CCBE1: variants seen among roughly 807,000 people sequenced by gnomAD.
The protein encoded by CCBE1 is collagen and calcium-binding EGF domain-containing protein 1.
Under a neutral mutation model 50.0 loss-of-function variants are expected in CCBE1, and 37 were observed. The ratio of observed to expected loss-of-function variants is 0.74; its 90% CI spans 0.57 to 0.97. The LOEUF is 0.97. CCBE1 is among the 50% of genes least tolerant of loss of function. CCBE1 has a pLI of 0.00. For missense variants in CCBE1, 538 were observed against 523.8 expected, an observed-to-expected ratio of 1.03 and a Z score of -0.26; for synonymous variants, 234 against 203.7, an observed-to-expected ratio of 1.15 and a Z score of -1.27.
At chr18:59,556,974 G>A (rs576839219) in intron 2 of CCBE1, among the ~76,000 whole-genome samples, 1 of 114,134 alleles carries the variant, frequency 8.8e-6, no homozygotes, top group Admixed American at 8.0e-5. Context: ...GCCACCAGGG[G>A]TATCTTGTGT....
intron 2 of CCBE1, among the ~76,000 whole-genome samples, chr18:59,581,583 A>G (rs1003681604): frequency 3.3e-5 from 5 of 152,220 alleles, no homozygotes; most frequent in African/African-American, 1.2e-4. Context: ...GCTTAGAAAT[A>G]GCTCATGGTT....
At chr18:59,616,837 C>G (rs747524388) in intron 2 of CCBE1, among the ~76,000 whole-genome samples, 2 of 152,140 alleles carry the variant, frequency 1.3e-5, no homozygotes, top group Non-Finnish European at 2.9e-5. Context: ...CGGACGGAAG[C>G]CTTTCTCATC....
chr18:59,565,913 T>C (rs773602764), intron 2 of CCBE1, among the ~76,000 whole-genome samples: 10 of 152,106 alleles, frequency 6.6e-5, no homozygotes, highest in Admixed American at 2.0e-4. Context: ...TCTCAGGCTG[T>C]TACGTCAGGG....
rs71336346 is a variant in CCBE1 at position 59,573,284 on chromosome 18, AAT to A, written c.213-93048_213-93047del. On this transcript the variant is annotated intron_variant, in intron 2 of 10. Transcript: ENST00000439986. ...TGGGCAATATAGTGAGACTCCGTCT[AAT>A]ATATATATATATATATGTATGTATG... Among the ~76,000 whole-genome samples, 25 of 93,682 alleles carry A rather than the reference AAT, an allele frequency of 2.7e-4. 2 individuals are homozygous for A. The highest frequency in any genetic ancestry group is 8.5e-4 in the Admixed American group (8 of 9,446). The allele number at this position is 93,682 out of a possible 152,430, so 61.5% of individuals were successfully genotyped here.
chr18:59,478,181 A>T (rs190875453), intron 3 of CCBE1, among the ~76,000 whole-genome samples: 2 of 152,218 alleles, frequency 1.3e-5, no homozygotes, highest in East Asian at 3.9e-4. Flanking sequence ...GCCTGCCTAC[A>T]ATGAAGATTT....
chr18:59,451,213 G>A (rs1910914167), intron 6 of CCBE1, among the ~76,000 whole-genome samples: 1 of 151,982 alleles, frequency 6.6e-6, no homozygotes, highest in South Asian at 2.1e-4. Context: ...TCCCTCAACT[G>A]CTCAACGTGG....
upstream of CCBE1, chr18:59,697,537 T>A (rs1301867777): frequency 4.2e-6 from 3 of 706,228 alleles, no homozygotes; most frequent in Admixed American, 6.0e-5. Flanking sequence ...AGTTGGGGTA[T>A]CGGATGCAAA....
intron 2 of CCBE1, among the ~76,000 whole-genome samples, chr18:59,570,694 ACCTCCCAAGGG>A (rs1483495656): frequency 6.6e-6 from 1 of 151,778 alleles, no homozygotes; most frequent in African/African-American, 2.4e-5. Flanking sequence ...GTGGGGCAGG[ACCTCCCAAGGG>A]CCTCAGGCAG....
intron 2 of CCBE1, among the ~76,000 whole-genome samples, chr18:59,491,943 C>T (rs953568694): frequency 9.2e-5 from 14 of 151,552 alleles, no homozygotes; most frequent in African/African-American, 1.2e-4. Flanking sequence ...CTCAGGAGTT[C>T]GAGACCAGCC....
intron 2 of CCBE1, among the ~76,000 whole-genome samples, chr18:59,682,690 A>C (rs149874955): frequency 2.0e-3 from 305 of 152,308 alleles, no homozygotes; most frequent in African/African-American, 6.9e-3. Flanking sequence ...GAATAAACCC[A>C]TTTCTGTAAG....
At chr18:59,587,013 T>G (rs1038147295) in intron 2 of CCBE1, among the ~76,000 whole-genome samples, 3 of 152,170 alleles carry the variant, frequency 2.0e-5, no homozygotes, top group Non-Finnish European at 4.4e-5. Context: ...GGAAATAAAA[T>G]CTTTAAGTTA....
rs61226521 is a variant in CCBE1, at chr18:59,658,879, CAAAAAAA to C, written c.212+37743_212+37749del. On this transcript the variant is annotated intron_variant, in intron 2 of 10. Coordinates refer to ENST00000439986, the MANE Select transcript of CCBE1 (RefSeq NM_133459.4). The stretch of plus-strand genomic sequence containing the variant: ...TGGGCAACAGAGCAAGACTCTGTCT[CAAAAAAA>C]AAAAAAAAAAAAAAAAAAAACTGTT... Among the ~76,000 whole-genome samples the C allele has an allele frequency of 5.5e-5, 3 of 54,754 alleles. No individual in the cohort carries two copies. In the South Asian group the frequency reaches 3.8e-3, roughly 70 times the overall value. The allele number at this position is 54,754 out of a possible 152,430, so 35.9% of individuals were successfully genotyped here. A position where few individuals can be genotyped will look rare whatever the true frequency, so the allele number is the denominator to read the frequency against.
chr18:59,487,704 A>C (rs183314737), intron 2 of CCBE1, among the ~76,000 whole-genome samples: 271 of 152,350 alleles, frequency 1.8e-3, no homozygotes, highest in Admixed American at 5.7e-3. Flanking sequence ...GTATTAAGAG[A>C]ATCAGAAAAA....
intron 2 of CCBE1, among the ~76,000 whole-genome samples, chr18:59,521,282 T>C (rs1044140720): frequency 8.5e-5 from 13 of 152,216 alleles, no homozygotes; most frequent in South Asian, 6.2e-4. Context: ...CACAACAGAT[T>C]TTGGATTTAT....
chr18:59,558,959 T>A (rs2851873), intron 2 of CCBE1, among the ~76,000 whole-genome samples: 11 of 152,096 alleles, frequency 7.2e-5, no homozygotes, highest in Non-Finnish European at 1.5e-4. Flanking sequence ...GCTCTTTCTG[T>A]TCATCCACTC....
At chr18:59,575,623 A>G (rs560132298) in intron 2 of CCBE1, among the ~76,000 whole-genome samples, 1 of 152,354 alleles carries the variant, frequency 6.6e-6, no homozygotes, top group South Asian at 2.1e-4. Context: ...TGACCCTTGT[A>G]GAGTCTTGTG....
intron 2 of CCBE1, among the ~76,000 whole-genome samples, chr18:59,567,642 G>A (rs114807721): frequency 0.022 from 3,351 of 152,202 alleles, 105 homozygotes; most frequent in African/African-American, 0.076. Flanking sequence ...TGCTCTGCTG[G>A]TCACTGACAC....
At chr18:59,524,063 G>A (rs1914716382) in intron 2 of CCBE1, among the ~76,000 whole-genome samples, 1 of 152,196 alleles carries the variant, frequency 6.6e-6, no homozygotes, top group Non-Finnish European at 1.5e-5. Flanking sequence ...TCTCACGCCT[G>A]TAATCCCAGC....
At chr18:59,672,769 A>C (rs1331008615) in intron 2 of CCBE1, among the ~76,000 whole-genome samples, 1 of 152,232 alleles carries the variant, frequency 6.6e-6, no homozygotes, top group East Asian at 1.9e-4. Flanking sequence ...CAACAGATGA[A>C]GGATACAAGA....
Sources: allele counts gnomAD v4.1 joint callset (sites outside exome capture counted in the v4.1 genomes callset), GRCh38; gene constraint gnomAD v4.1.1; transcripts MANE v1.5; gene names NCBI Gene and HGNC (gene_info 2026-07-23, HGNC 2026-07-21).